The following HAO1 variants were observed in gnomAD, a reference collection of about 807,000 sequenced individuals.
HAO1 encodes 2-Hydroxyacid oxidase 1.
In HAO1, 34 loss-of-function variants were observed where a neutral mutation model predicts 39.7. The observed-to-expected ratio is 0.86, with a 90% CI of 0.65 to 1.14. The LOEUF (loss-of-function observed/expected upper bound fraction) is 1.14, where lower values mean the gene tolerates loss of function less well. HAO1 is among the 50% of genes most tolerant of loss of function. The pLI, the probability that HAO1 is intolerant of heterozygous loss-of-function variation, is 0.00. For missense variants in HAO1, 479 were observed against 464.5 expected (o/e 1.03, Z -0.29); for synonymous variants, 172 against 173.2 (o/e 0.99, Z 0.05).
rs2050402434 is a variant in HAO1 at position 7,934,752 on chromosome 20, C to A, written c.138-117G>T. 6.6e-5 allele frequency: 40 copies of A among 610,522 alleles called. No individual in the cohort carries two copies. In the South Asian group the frequency reaches 9.6e-4, roughly 15 times the overall value. The allele number at this position is 610,522 out of a possible 1,614,324, so 37.8% of individuals were successfully genotyped here. A position where few individuals can be genotyped will look rare whatever the true frequency, so the allele number is the denominator to read the frequency against. On this transcript the variant is annotated intron_variant, in intron 1 of 7. Coordinates refer to ENST00000378789, the MANE Select transcript of HAO1 (RefSeq NM_017545.3). ...TATAATTGGATTTTTTCCAAACAAG[C>A]AAATGACTTCATAAAGCTAATGGAA...
intron 7 of HAO1, among the ~76,000 whole-genome samples, chr20:7,884,386 A>C (rs576695414): frequency 6.6e-6 from 1 of 152,316 alleles, no homozygotes; most frequent in South Asian, 2.1e-4. Context: ...GATAGCTGAT[A>C]TATAGGAGAC....
intron 1 of HAO1, among the ~76,000 whole-genome samples, chr20:7,938,659 C>A (rs1316952771): frequency 6.6e-6 from 1 of 152,078 alleles, no homozygotes; most frequent in Non-Finnish European, 1.5e-5. Flanking sequence ...CCCTTTGCAT[C>A]CTCTCTGAGA....
chr20:7,885,382 G>A, intron 7 of HAO1, 139 bp downstream of exon 7: 3 of 648,044 alleles, frequency 4.6e-6, no homozygotes, highest in Non-Finnish European at 8.3e-6. Flanking sequence ...CCTCAAAGCT[G>A]TAAATATGGA....
intron 2 of HAO1, among the ~76,000 whole-genome samples, chr20:7,923,084 T>G (rs1000409151): frequency 6.6e-6 from 1 of 152,078 alleles, no homozygotes; most frequent in Non-Finnish European, 1.5e-5. Context: ...CTTTCTAAAC[T>G]GCCATTCAAT....
In HAO1 at chr20:7,890,202, T is replaced by A. The variant is rs998650074; in HGVS notation, c.814-4338A>T. 1.4e-5 allele frequency among the ~76,000 whole-genome samples: 2 copies of A among 144,186 alleles called. 1 individual carries two copies. Among genetic ancestry groups the A allele is most frequent in the South Asian group, 4.2e-4 (2 of 4,806 alleles). The allele number at this position is 144,186 out of a possible 152,430, so 94.6% of individuals were successfully genotyped here. A position where few individuals can be genotyped will look rare whatever the true frequency, so the allele number is the denominator to read the frequency against. On this transcript the variant is annotated intron_variant, in intron 5 of 7. Coordinates refer to ENST00000378789, the MANE Select transcript of HAO1 (RefSeq NM_017545.3). ...CGACATGCAAAGAGGAGGGTTATGG[T>A]TTGTTTTTTTTTGTTTTGTTTTGTT...
At chr20:7,937,463 T>C (rs986526313) in intron 1 of HAO1, among the ~76,000 whole-genome samples, 3 of 152,054 alleles carry the variant, frequency 2.0e-5, no homozygotes, top group Admixed American at 6.6e-5. Context: ...ACAATGTCAC[T>C]GGTAACTTCA....
intron 4 of HAO1, among the ~76,000 whole-genome samples, chr20:7,895,849 T>A (rs536372635): frequency 1.3e-5 from 2 of 151,904 alleles, no homozygotes; most frequent in African/African-American, 2.4e-5. Flanking sequence ...AGTTCAAGAC[T>A]AGCCTGACCA....
intron 4 of HAO1, among the ~76,000 whole-genome samples, 197 bp from the exon 5 acceptor site, chr20:7,895,421 AT>A (rs148308779): frequency 0.03 from 4,555 of 152,268 alleles, 222 homozygotes; most frequent in African/African-American, 0.1. Flanking sequence ...CAACAAAAAA[AT>A]GTTACTACTT....
intron 3 of HAO1, among the ~76,000 whole-genome samples, chr20:7,907,566 T>C (rs6086276): frequency 0.027 from 4,129 of 152,310 alleles, 87 homozygotes; most frequent in Non-Finnish European, 0.045. Context: ...ACTGAAATCA[T>C]AGGCTCACAG....
At chr20:7,894,215 A>G (rs535646942) in intron 5 of HAO1, among the ~76,000 whole-genome samples, 1 of 152,066 alleles carries the variant, frequency 6.6e-6, no homozygotes, top group Middle Eastern at 3.4e-3. Flanking sequence ...CTTCGGATCC[A>G]TTTCTGGACC....
At chr20:7,924,113 G>GA (rs965757752) in intron 2 of HAO1, among the ~76,000 whole-genome samples, 1 of 152,026 alleles carries the variant, frequency 6.6e-6, no homozygotes, top group African/African-American at 2.4e-5. Flanking sequence ...TTAAAGCCAA[G>GA]GAATTAAACT....
intron 2 of HAO1, among the ~76,000 whole-genome samples, chr20:7,922,254 C>A (rs2050336970): frequency 6.6e-6 from 1 of 152,076 alleles, no homozygotes; most frequent in African/African-American, 2.4e-5. Context: ...TGAAGTATCA[C>A]CTCCAACTGT....
At chr20:7,922,365 A>C (rs3938382) in intron 2 of HAO1, among the ~76,000 whole-genome samples, 3,108 of 152,222 alleles carry the variant, frequency 0.02, 107 homozygotes, top group African/African-American at 0.067. Flanking sequence ...TGATGTCAGG[A>C]ATGTAAGTTA....
At chr20:7,899,469 T>A (rs1423296242) in intron 4 of HAO1, among the ~76,000 whole-genome samples, 18 of 152,182 alleles carry the variant, frequency 1.2e-4, no homozygotes. Context: ...ATAACAGTTT[T>A]ATCCTAGTCA....
chr20:7,884,861 G>A (rs539286956), intron 7 of HAO1, among the ~76,000 whole-genome samples: 95 of 152,224 alleles, frequency 6.2e-4, no homozygotes, highest in African/African-American at 2.1e-3. Flanking sequence ...CGTTCTGGCC[G>A]CCATGATCAG....
intron 2 of HAO1, among the ~76,000 whole-genome samples, chr20:7,927,776 G>A (rs928717263): frequency 8.5e-5 from 13 of 152,136 alleles, no homozygotes; most frequent in African/African-American, 3.1e-4. Flanking sequence ...TAAGATGATA[G>A]CATAGTGCTT....
intron 2 of HAO1, among the ~76,000 whole-genome samples, chr20:7,928,338 G>C (rs1479112412): frequency 6.6e-6 from 1 of 150,700 alleles, no homozygotes; most frequent in Non-Finnish European, 1.5e-5. Flanking sequence ...AGAAAAGGTA[G>C]CTCTATACTT....
rs2050135015 is a variant in HAO1, at chr20:7,883,187, A to G, written c.*406T>C. ...ACCAACACTTTGAACCTGAGCTTAC[A>G]ATTTAAGAACCACTGTTTTAAAGAC... On this transcript the variant is annotated 3_prime_UTR_variant, in exon 8 of 8. Transcript: ENST00000378789. 5.8e-6 allele frequency: 1 copy of G among 172,590 alleles called. No homozygotes were observed. Among genetic ancestry groups the G allele is most frequent in the Admixed American group, 5.6e-5 (1 of 17,984 alleles). 10.7% of individuals were successfully genotyped at this position (172,590 alleles called of 1,614,324 possible).
At chr20:7,918,837 G>C (rs1371530040) in intron 2 of HAO1, among the ~76,000 whole-genome samples, 2 of 152,118 alleles carry the variant, frequency 1.3e-5, no homozygotes, top group East Asian at 3.9e-4. Flanking sequence ...TCTGACTATC[G>C]TTATCCTAGC....
Sources: allele counts gnomAD v4.1 joint callset (sites outside exome capture counted in the v4.1 genomes callset), GRCh38; gene constraint gnomAD v4.1.1; transcripts MANE v1.5; gene names NCBI Gene and HGNC (gene_info 2026-07-23, HGNC 2026-07-21).